Variants in PEX1 observed in about 807,000 individuals in gnomAD.
PEX1 encodes the protein peroxisomal biogenesis factor 1.
PEX1 carries 97 observed loss-of-function variants against 152.5 expected under a neutral mutation model. That is an observed-to-expected ratio of 0.64 (90% confidence interval 0.54 to 0.75). PEX1 has a LOEUF of 0.75. PEX1 is among the 30% of genes least tolerant of loss of function. The probability of loss-of-function intolerance (pLI) is 0.00; values close to 1 mark genes in which losing one functional copy is unlikely to be tolerated. For synonymous variants in PEX1, 485 were observed against 531.6 expected, an observed-to-expected ratio of 0.91 and a Z score of 1.21; for missense variants, 1,357 against 1,516.3, an observed-to-expected ratio of 0.89 and a Z score of 1.74.
At position 92,517,326 on chromosome 7, in the gene PEX1, C is replaced by T; in HGVS notation, c.1189G>A (p.Ala397Thr). The change falls in exon 5 of 24, where the codon GCC (alanine) becomes ACC (threonine). Residue 397 changes from alanine to threonine, a missense_variant. Ala to Thr is a moderately conservative substitution (Grantham distance 58). Transcript: ENST00000248633. ...VWNGLEELNN[A>T]IKYTKNVEVL... ...TCTACATTTTTGGTATATTTGATGG[C>T]ATTGTTCAATTCTTCAAGTCCATTC... is the stretch of plus-strand genomic sequence containing the variant. The T allele has an allele frequency of 1.2e-6, 2 of 1,613,800 alleles. No individual in the cohort carries two copies. The highest frequency in any genetic ancestry group is 1.7e-6 in the Non-Finnish European group (2 of 1,179,778).
intron 7 of PEX1, 137 bp from the exon 8 acceptor site, chr7:92,511,184 G>A (rs1237109290): frequency 1.1e-5 from 7 of 610,822 alleles, no homozygotes; most frequent in Non-Finnish European, 2.1e-5. Flanking sequence ...CTGCTGCCCA[G>A]GCTGGAGTGC....
chr7:92,491,545 T>A lies in PEX1; in HGVS notation c.3208-43A>T, dbSNP rs41278791. ...ACAACCAGTTTAAAGATGTAAACAATTTTAGTCTCAGAAATAAATAATAAC... is the reference window on the plus strand; with the variant it reads ...ACAACCAGTTTAAAGATGTAAACAAATTTAGTCTCAGAAATAAATAATAAC... On this transcript the variant is annotated intron_variant, in intron 20 of 23. Transcript: ENST00000248633. The A allele has an allele frequency of 0.041, 47,724 of 1,169,002 alleles. 2,986 individuals are homozygous for A. Among genetic ancestry groups the A allele is most frequent in the East Asian group, 0.28 (11,828 of 42,850 alleles). The allele number at this position is 1,169,002 out of a possible 1,614,324, so 72.4% of individuals were successfully genotyped here. A position where few individuals can be genotyped will look rare whatever the true frequency, so the allele number is the denominator to read the frequency against.
rs747094749 is a variant in PEX1 at position 92,501,950 on chromosome 7, C to T, written c.2356G>A (p.Val786Ile). The change falls in exon 14 of 24, where the codon GTA (valine) becomes ATA (isoleucine). Residue 786 changes from valine to isoleucine, a missense_variant. Coordinates refer to ENST00000248633, the MANE Select transcript of PEX1 (RefSeq NM_000466.3). The part of the protein sequence containing the change: ...TGGFVARDFT[V>I]LVDRAIHSRL... ...GAATGTATGGCTCGATCCACAAGTA[C>T]TGTAAAATCTCTAGCCACAAACCCG... 2 of 1,613,900 alleles carry T rather than the reference C, an allele frequency of 1.2e-6. No homozygotes were observed. The highest frequency in any genetic ancestry group is 2.2e-5 in the South Asian group (2 of 91,060).
chr7:92,512,999 A>G (rs1454810818), intron 6 of PEX1, among the ~76,000 whole-genome samples: 3 of 152,160 alleles, frequency 2.0e-5, no homozygotes, highest in Non-Finnish European at 2.9e-5. Context: ...AACTGAGTAA[A>G]AAGTAAAACA....
rs1226753246 is a variant in PEX1 at position 92,517,863 on chromosome 7, G to C, written c.652C>G (p.Leu218Val). The C allele has an allele frequency of 1.9e-6, 3 of 1,541,986 alleles. No individual in the cohort carries two copies. The highest frequency in any genetic ancestry group is 1.4e-5 in the African/African-American group (1 of 72,236). The stretch of plus-strand genomic sequence containing the variant: ...GTGATTCCCACAGTATTTGACTGAA[G>C]TTGCTTGGTTTGAAGTTCTTTCATC... The part of the protein sequence containing the change: ...GMMKELQTKQ[L>V]QSNTVGITES... The change falls in exon 5 of 24, where the codon CTT becomes GTT. Residue 218 changes from leucine (L) to valine (V), a missense_variant. Transcript: ENST00000248633.
intron 20 of PEX1, 40 bp from the exon 21 acceptor site, chr7:92,491,542 C>T (rs570743617): frequency 4.5e-5 from 53 of 1,174,024 alleles, no homozygotes; most frequent in Middle Eastern, 1.9e-4. Context: ...AAGATGTAAA[C>T]AATTTTAGTC....
intron 7 of PEX1, 46 bp from the exon 8 acceptor site, chr7:92,511,093 G>C (rs760189125): frequency 8.0e-6 from 7 of 876,070 alleles, no homozygotes; most frequent in Admixed American, 6.2e-5. Context: ...CTGAAACAGA[G>C]ATGAAATAAT....
chr7:92,517,902 C>G lies in PEX1; in HGVS notation c.613G>C (p.Asp205His). 2 of 1,559,280 alleles carry G rather than the reference C, an allele frequency of 1.3e-6. No homozygotes were observed. Among genetic ancestry groups the G allele is most frequent in the South Asian group, 1.2e-5 (1 of 80,330 alleles). The change falls in exon 5 of 24, where the codon GAC (aspartate) becomes CAC (histidine). Residue 205 changes from aspartate to histidine, a missense_variant. Coordinates refer to ENST00000248633, the MANE Select transcript of PEX1 (RefSeq NM_000466.3). ...AGTTCTTTCATCATTCCTTTCTGGTCTCTTCCATAACTATGAAGTTTTTTA... is the reference window on the plus strand; with the variant it reads ...AGTTCTTTCATCATTCCTTTCTGGTGTCTTCCATAACTATGAAGTTTTTTA... ...EYKKLHSYGR[D>H]QKGMMKELQT...
intron 3 of PEX1, among the ~76,000 whole-genome samples, chr7:92,518,540 T>C (rs1792910273): frequency 6.6e-6 from 1 of 152,208 alleles, no homozygotes; most frequent in Non-Finnish European, 1.5e-5. Context: ...TTACCTATAG[T>C]TGTCAGGTTG....
In PEX1 at chr7:92,494,331, G is replaced by A. The variant is rs61750428; in HGVS notation, c.2992C>T (p.Arg998Ter). ...LIDPALLRPGRLDKCVYCPPP... is the reference protein window; with the variant it reads ...LIDPALLRPG ...GGACAGTATACACATTTATCTAGTCGACCAGGCCTAAGCAGGGCAGGGTCA... is the reference window on the plus strand; with the variant it reads ...GGACAGTATACACATTTATCTAGTCAACCAGGCCTAAGCAGGGCAGGGTCA... The change falls in exon 19 of 24, where the codon CGA becomes TGA. Residue 998 changes from arginine (R) to a stop codon, truncating the protein, a stop_gained. Transcript: ENST00000248633. LOFTEE classifies it high-confidence loss of function. 25 of 1,613,700 alleles carry A rather than the reference G, an allele frequency of 1.5e-5. No individual in the cohort carries two copies. Among genetic ancestry groups the A allele is most frequent in the Non-Finnish European group, 1.9e-5 (23 of 1,179,904 alleles).
At chr7:92,497,013 T>G (rs1039992242) in intron 16 of PEX1, among the ~76,000 whole-genome samples, 1 of 152,216 alleles carries the variant, frequency 6.6e-6, no homozygotes, top group Non-Finnish European at 1.5e-5. Flanking sequence ...TTCATTTTAT[T>G]TAGATCTCTG....
chr7:92,505,577 T>G (rs1792152545), intron 11 of PEX1, among the ~76,000 whole-genome samples: 2 of 152,190 alleles, frequency 1.3e-5, no homozygotes, highest in Admixed American at 6.5e-5. Flanking sequence ...GGATCAAGAT[T>G]CATTTAAAAT....
chr7:92,506,357 T>A lies in PEX1; in HGVS notation c.1804-13A>T, dbSNP rs1792188292. 2 of 1,506,692 alleles carry A rather than the reference T, an allele frequency of 1.3e-6. No homozygotes were observed. Among genetic ancestry groups the A allele is most frequent in the African/African-American group, 2.7e-5 (2 of 72,978 alleles). The allele number at this position is 1,506,692 out of a possible 1,614,324, so 93.3% of individuals were successfully genotyped here. A position where few individuals can be genotyped will look rare whatever the true frequency, so the allele number is the denominator to read the frequency against. Reference sequence around the variant, plus strand: ...ATTTTCCACTTCCCTAGAAAATAATTGCTTTATAGGAATTCCCAATATATT... The same window carrying A: ...ATTTTCCACTTCCCTAGAAAATAATAGCTTTATAGGAATTCCCAATATATT... On this transcript the variant is annotated splice_polypyrimidine_tract_variant and intron_variant, in intron 10 of 23. Coordinates refer to ENST00000248633, the MANE Select transcript of PEX1 (RefSeq NM_000466.3).
intron 1 of PEX1, among the ~76,000 whole-genome samples, chr7:92,525,866 T>G (rs976607933): frequency 1.3e-5 from 2 of 152,218 alleles, no homozygotes; most frequent in African/African-American, 4.8e-5. Flanking sequence ...GAGACAAATG[T>G]GGGCAACAGA....
intron 9 of PEX1, among the ~76,000 whole-genome samples, chr7:92,508,911 A>C (rs1792322834): frequency 6.6e-6 from 1 of 152,196 alleles, no homozygotes; most frequent in Non-Finnish European, 1.5e-5. Flanking sequence ...AAATATTTTT[A>C]AACATTCAAC....
At chr7:92,523,326 CTT>C (rs748738315) in intron 1 of PEX1, among the ~76,000 whole-genome samples, 2 of 145,890 alleles carry the variant, frequency 1.4e-5, no homozygotes, top group Admixed American at 6.9e-5. Flanking sequence ...CATTTTCGAA[CTT>C]TTTTTTTTTT....
chr7:92,510,095 G>C (rs1298877788), intron 8 of PEX1, among the ~76,000 whole-genome samples: 2 of 150,634 alleles, frequency 1.3e-5, no homozygotes, highest in African/African-American at 4.9e-5. Context: ...AGTGAGCCGA[G>C]AGTGTGCCAC....
chr7:92,491,272 C>T lies in PEX1; in HGVS notation c.3438G>A (p.Leu1146=), dbSNP rs1585214175. The change falls in exon 21 of 24, where the codon TTG becomes TTA. Residue 1146 remains leucine, a splice_region_variant and synonymous_variant. Transcript: ENST00000248633. The part of the protein sequence containing the change: ...SELGNGTSSD[L]SSQCLSAPSS... Reference sequence around the variant, plus strand: ...GTATAATGATGACTGCACAAGATACCAAATCAGAAGAGGTTCCATTTCCAA... The same window carrying T: ...GTATAATGATGACTGCACAAGATACTAAATCAGAAGAGGTTCCATTTCCAA... 6.3e-7 allele frequency: 1 copy of T among 1,583,296 alleles called. No individual in the cohort carries two copies. The highest frequency in any genetic ancestry group is 8.7e-7 in the Non-Finnish European group (1 of 1,151,908).
chr7:92,526,341 C>T, intron 1 of PEX1, among the ~76,000 whole-genome samples: 1 of 152,168 alleles, frequency 6.6e-6, no homozygotes, highest in East Asian at 1.9e-4. Context: ...CAAGGTAAGT[C>T]TGACATAGGC....
Sources: allele counts gnomAD v4.1 joint callset (sites outside exome capture counted in the v4.1 genomes callset), GRCh38; gene constraint gnomAD v4.1.1; transcripts MANE v1.5; gene names NCBI Gene and HGNC (gene_info 2026-07-23, HGNC 2026-07-21).